DIP2C: variants seen among roughly 807,000 people sequenced by gnomAD.
DIP2C encodes disco-interacting protein 2 homolog C.
In DIP2C, 33 loss-of-function variants were observed where a neutral mutation model predicts 192.4. The observed-to-expected ratio is 0.17, with a 90% CI of 0.13 to 0.23. DIP2C has a LOEUF of 0.23. DIP2C is among the 10% of genes least tolerant of loss of function. The pLI is 1.00. For synonymous variants in DIP2C, 979 were observed against 864.1 expected (o/e 1.13, Z -2.33); for missense variants, 1,537 against 2,110.1 (o/e 0.73, Z 5.32).
rs1488231826 is a variant in DIP2C, at chr10:493,972, G to A, written c.86-7442C>T. ...GGAGACACTTCAGATGCCCCAGCAG[G>A]GAGAATATCACAGCCCTGCTGAAGG... On this transcript the variant is annotated intron_variant, in intron 1 of 36. Coordinates refer to ENST00000280886, the MANE Select transcript of DIP2C (RefSeq NM_014974.3). Among the ~76,000 whole-genome samples the A allele has an allele frequency of 3.3e-5, 5 of 152,300 alleles. No individual in the cohort carries two copies. In the South Asian group the frequency reaches 8.3e-4, roughly 25 times the overall value.
chr10:651,794 T>G lies in DIP2C; in HGVS notation c.85+37700A>C, dbSNP rs184503086. The G allele has an allele frequency of 3.1e-5, 8 of 254,612 alleles. No homozygotes were observed. The highest frequency in any genetic ancestry group is 1.1e-4 in the East Asian group (1 of 8,830). The allele number at this position is 254,612 out of a possible 1,614,324, so 15.8% of individuals were successfully genotyped here. On this transcript the variant is annotated intron_variant, in intron 1 of 36. Transcript: ENST00000280886. The surrounding 1 kb of genome is among the most constrained non-coding windows in gnomAD (Gnocchi z 4.1). The stretch of plus-strand genomic sequence containing the variant: ...CGCCCACCCAGGTCATCAGTCATCA[T>G]CAGCAGCAGCTGCGGCATGAGAGAG...
At chr10:653,622 A>G (rs1856093261) in intron 1 of DIP2C, among the ~76,000 whole-genome samples, 1 of 152,196 alleles carries the variant, frequency 6.6e-6, no homozygotes. Context: ...TACAAATTAA[A>G]ACAAGAGCCA....
At chr10:511,582 A>G (rs1473813053) in intron 1 of DIP2C, among the ~76,000 whole-genome samples, 3 of 152,150 alleles carry the variant, frequency 2.0e-5, no homozygotes, top group Admixed American at 2.0e-4. Context: ...AAGACTTAGA[A>G]CTGTGGCTTC....
intron 3 of DIP2C, among the ~76,000 whole-genome samples, chr10:450,778 A>G (rs1441163499): frequency 2.0e-5 from 3 of 152,192 alleles, no homozygotes; most frequent in African/African-American, 7.2e-5. Flanking sequence ...AATTGCAGGC[A>G]TTTCCATGAC....
At chr10:383,906 G>T in intron 16 of DIP2C, 121 bp downstream of exon 16, 1 of 1,302,864 alleles carries the variant, frequency 7.7e-7, no homozygotes, top group Non-Finnish European at 9.9e-7. Flanking sequence ...AAATCAAAGT[G>T]CAAAGAATGA....
chr10:301,182 A>C (rs1956027883), intron 32 of DIP2C, among the ~76,000 whole-genome samples: 2 of 152,178 alleles, frequency 1.3e-5, no homozygotes, highest in Admixed American at 1.3e-4. Flanking sequence ...GCAGGAGATG[A>C]ACCCAGACCC....
chr10:413,860 G>A (rs1244645920), intron 8 of DIP2C, 53 bp downstream of exon 8: 1 of 1,584,650 alleles, frequency 6.3e-7, no homozygotes, highest in East Asian at 2.3e-5. Context: ...CTGCGTTCGG[G>A]AGTGGCTGTG....
chr10:640,157 C>T (rs1250465925), intron 1 of DIP2C, among the ~76,000 whole-genome samples: 1 of 152,252 alleles, frequency 6.6e-6, no homozygotes, highest in Non-Finnish European at 1.5e-5. Context: ...GCACCTACCA[C>T]GCGGCTAACA....
At chr10:569,880 TG>T (rs1379541221) in intron 1 of DIP2C, among the ~76,000 whole-genome samples, 3 of 152,190 alleles carry the variant, frequency 2.0e-5, no homozygotes, top group African/African-American at 7.2e-5. Flanking sequence ...TGAAGCCATC[TG>T]GGTTTACCTT....
intron 32 of DIP2C, among the ~76,000 whole-genome samples, chr10:296,462 T>C (rs955882551): frequency 2.0e-5 from 3 of 152,118 alleles, no homozygotes; most frequent in Non-Finnish European, 4.4e-5. Context: ...AGTTCAACCA[T>C]TGTGAAAGAC....
intron 1 of DIP2C, among the ~76,000 whole-genome samples, chr10:512,970 G>A (rs890747693): frequency 4.0e-5 from 6 of 149,870 alleles, no homozygotes; most frequent in Non-Finnish European, 8.9e-5. Flanking sequence ...TCATTTAAGG[G>A]AAGGGAGAAG....
chr10:562,576 T>G (rs183148235), intron 1 of DIP2C, among the ~76,000 whole-genome samples: 3 of 152,384 alleles, frequency 2.0e-5, no homozygotes, highest in Admixed American at 1.3e-4. Flanking sequence ...GTAATTTAAG[T>G]TGGCATTCCA....
chr10:446,072 C>T (rs1968172480), intron 3 of DIP2C, among the ~76,000 whole-genome samples: 1 of 151,214 alleles, frequency 6.6e-6, no homozygotes, highest in African/African-American at 2.4e-5. Context: ...GCCCACTGGG[C>T]ATCTGTATAC....
intron 23 of DIP2C, among the ~76,000 whole-genome samples, chr10:356,721 G>A (rs972285179): frequency 8.5e-5 from 13 of 152,214 alleles, no homozygotes; most frequent in African/African-American, 2.4e-4. Flanking sequence ...CTTTGTTCCT[G>A]CAGGGACTTA....
At chr10:620,443 C>T (rs1853784843) in intron 1 of DIP2C, among the ~76,000 whole-genome samples, 1 of 152,142 alleles carries the variant, frequency 6.6e-6, no homozygotes, top group South Asian at 2.1e-4. Context: ...ATCTCCAGCA[C>T]CCATTCCTAG....
chr10:669,468 C>T (rs554056862), intron 1 of DIP2C: 1 of 152,170 alleles, frequency 6.6e-6, no homozygotes, highest in Non-Finnish European at 1.5e-5. Flanking sequence ...TGAACCTGCA[C>T]TCAACACTGG....
At chr10:602,354 T>TA (rs1364527944) in intron 1 of DIP2C, among the ~76,000 whole-genome samples, 1 of 152,184 alleles carries the variant, frequency 6.6e-6, no homozygotes. Context: ...GCAGTAATGA[T>TA]ACCATCGCAG....
intron 1 of DIP2C, among the ~76,000 whole-genome samples, chr10:512,996 T>C (rs1391947805): frequency 6.6e-6 from 1 of 151,224 alleles, no homozygotes; most frequent in African/African-American, 2.4e-5. Context: ...TCAGTATTTA[T>C]ACATCTCACG....
At chr10:380,713 A>G (rs1490017824) in intron 17 of DIP2C, among the ~76,000 whole-genome samples, 6 of 152,248 alleles carry the variant, frequency 3.9e-5, no homozygotes, top group Admixed American at 6.5e-5. Context: ...GACCTTTAAG[A>G]AGGCATTCAT....
Sources: allele counts gnomAD v4.1 joint callset (sites outside exome capture counted in the v4.1 genomes callset), GRCh38; gene constraint gnomAD v4.1.1; non-coding constraint Gnocchi (gnomAD v3.1); transcripts MANE v1.5; gene names NCBI Gene and HGNC (gene_info 2026-07-23, HGNC 2026-07-21).